Variants in TXNDC9 observed in about 807,000 individuals in gnomAD.
The protein encoded by TXNDC9 is thioredoxin domain containing 9, also known as thioredoxin domain-containing protein 9.
In TXNDC9, 7 loss-of-function variants were observed where a neutral mutation model predicts 23.0. The ratio of observed to expected loss-of-function variants is 0.30; its 90% CI spans 0.17 to 0.57. TXNDC9 has a LOEUF of 0.57. Among genes scored for constraint, TXNDC9 ranks in the 20% least tolerant of loss-of-function variants. TXNDC9 has a pLI of 0.90. For missense variants in TXNDC9, 198 were observed against 252.6 expected (o/e 0.78, Z 1.47); for synonymous variants, 72 against 90.6 (o/e 0.79, Z 1.17).
chr2:99,324,457 C>G (rs2094209137), intron 3 of TXNDC9, among the ~76,000 whole-genome samples: 1 of 152,018 alleles, frequency 6.6e-6, no homozygotes, highest in Admixed American at 6.6e-5. Context: ...TAAGAGAGAA[C>G]AAATTAATAA....
At chr2:99,314,958 T>G (rs578017528), downstream of TXNDC9, among the ~76,000 whole-genome samples, 1 of 143,174 alleles carries the variant, frequency 7.0e-6, no homozygotes, top group African/African-American at 2.6e-5. Flanking sequence ...TGCAGTGGCA[T>G]GATCTCGGCT....
intron 2 of TXNDC9, among the ~76,000 whole-genome samples, chr2:99,332,143 T>C (rs1336749802): frequency 6.6e-6 from 1 of 152,222 alleles, no homozygotes; most frequent in Non-Finnish European, 1.5e-5. Context: ...AAAAAATGTT[T>C]TAATCAAAAT....
intron 3 of TXNDC9, chr2:99,322,603 G>T: frequency 6.5e-7 from 1 of 1,539,686 alleles, no homozygotes; most frequent in South Asian, 1.2e-5. Context: ...TGGAAGTCAT[G>T]AAGAAAAACT....
rs369658933 is a variant in TXNDC9, at chr2:99,333,287, TAAGC to T, written c.-32-49_-32-46del. On this transcript the variant is annotated intron_variant, in intron 1 of 4. Transcript: ENST00000264255. ...AATACATTTTAAAAAATGCAAACAA[TAAGC>T]AAGGTTTTCTCTACCATTTTCAAAA... 791 of 1,477,486 alleles carry T rather than the reference TAAGC, an allele frequency of 5.4e-4. 6 individuals carry two copies. In the African/African-American group the frequency reaches 0.01, roughly 19 times the overall value. The allele number at this position is 1,477,486 out of a possible 1,614,324, so 91.5% of individuals were successfully genotyped here. A position where few individuals can be genotyped will look rare whatever the true frequency, so the allele number is the denominator to read the frequency against.
At chr2:99,322,784 T>C (rs2094205443) in intron 3 of TXNDC9, 3 of 1,275,724 alleles carry the variant, frequency 2.4e-6, no homozygotes, top group Non-Finnish European at 3.0e-6. Flanking sequence ...TTTTTGGAGG[T>C]GGCGTATTGC....
intron 4 of TXNDC9, chr2:99,321,266 GTAAGTGCACAAT>G (rs1264001111): frequency 6.6e-6 from 1 of 152,098 alleles, no homozygotes; most frequent in Admixed American, 6.5e-5. Flanking sequence ...CTCTGGAATG[GTAAGTGCACAAT>G]TTTACCTGTT....
At chr2:99,309,636 C>G in the TXNDC9 span, among the ~76,000 whole-genome samples, 13 of 152,210 alleles carry the variant, frequency 8.5e-5, no homozygotes, top group South Asian at 2.7e-3. Flanking sequence ...GAGTTCGAGA[C>G]CAGCCTGGCC....
chr2:99,325,612 G>A (rs535900636), intron 3 of TXNDC9, among the ~76,000 whole-genome samples: 8 of 152,272 alleles, frequency 5.3e-5, no homozygotes, highest in South Asian at 2.1e-4. Flanking sequence ...CCTACTATGC[G>A]TCAGGCAGTT....
intron 3 of TXNDC9, chr2:99,322,682 G>C (rs1457662692): frequency 6.6e-7 from 1 of 1,507,834 alleles, no homozygotes; most frequent in South Asian, 1.3e-5. Context: ...AGCACATTAA[G>C]GCTAAGGGTT....
the TXNDC9 span, among the ~76,000 whole-genome samples, chr2:99,310,405 A>G: frequency 1.1e-4 from 16 of 152,266 alleles, 1 homozygote; most frequent in Non-Finnish European, 2.1e-4. Context: ...CAGCCTCCCA[A>G]GTAGCTGGAT....
At chr2:99,316,117 CTT>C (rs57142545), downstream of TXNDC9, among the ~76,000 whole-genome samples, 26,697 of 136,052 alleles carry the variant, frequency 0.2, 2,251 homozygotes, top group East Asian at 0.28. Flanking sequence ...ATTTCTTTTT[CTT>C]TTTTTTTTTT....
intron 1 of TXNDC9, among the ~76,000 whole-genome samples, chr2:99,335,958 G>C (rs1243564388): frequency 1.3e-5 from 2 of 152,348 alleles, no homozygotes; most frequent in East Asian, 3.9e-4. Context: ...CACCCTTACA[G>C]GTATCCGCCA....
downstream of TXNDC9, among the ~76,000 whole-genome samples, chr2:99,318,720 T>C (rs1183860569): frequency 6.6e-6 from 1 of 152,216 alleles, no homozygotes; most frequent in Non-Finnish European, 1.5e-5. Context: ...AGGCCCAGTA[T>C]TCTCAGTCTG....
intron 3 of TXNDC9, among the ~76,000 whole-genome samples, chr2:99,324,236 T>C (rs540399231): frequency 5.3e-5 from 8 of 152,348 alleles, no homozygotes; most frequent in Admixed American, 6.5e-5. Context: ...CAAATAAAGC[T>C]TGAGAACTAC....
chr2:99,327,920 G>A (rs770048921), intron 2 of TXNDC9, among the ~76,000 whole-genome samples: 1 of 151,602 alleles, frequency 6.6e-6, no homozygotes, highest in Non-Finnish European at 1.5e-5. Context: ...GAGTAGCTGG[G>A]ACTACAGGCG....
At chr2:99,311,552 C>T in the TXNDC9 span, among the ~76,000 whole-genome samples, 1 of 152,218 alleles carries the variant, frequency 6.6e-6, no homozygotes, top group Admixed American at 6.5e-5. Context: ...CGGCTTTGAC[C>T]TCCCAAAGAC....
At chr2:99,333,689 T>TA (rs2094231378) in intron 1 of TXNDC9, among the ~76,000 whole-genome samples, 1 of 152,208 alleles carries the variant, frequency 6.6e-6, no homozygotes, top group Non-Finnish European at 1.5e-5. Context: ...AAACTTTACT[T>TA]AAACACAGAG....
rs955214140 is a variant in TXNDC9 at position 99,336,107 on chromosome 2, C to A, written c.-33+132G>T. 3.7e-6 allele frequency: 3 copies of A among 811,674 alleles called. No individual in the cohort carries two copies. In the African/African-American group the frequency reaches 5.6e-5, roughly 15 times the overall value. The allele number at this position is 811,674 out of a possible 1,614,324, so 50.3% of individuals were successfully genotyped here. A position where few individuals can be genotyped will look rare whatever the true frequency, so the allele number is the denominator to read the frequency against. ...TTCGACGCCTCCTGGTGCGCTTGCG[C>A]AAGAGCCTCTGCCAGGACACCGACA... On this transcript the variant is annotated intron_variant, in intron 1 of 4. Coordinates refer to ENST00000264255, the MANE Select transcript of TXNDC9 (RefSeq NM_005783.4).
Position 99,319,435 on chromosome 2 carries a change from G to T in TXNDC9, c.*247C>A. On this transcript the variant is annotated 3_prime_UTR_variant, in exon 5 of 5. Coordinates refer to ENST00000264255, the MANE Select transcript of TXNDC9 (RefSeq NM_005783.4). ...TATAAAGATGTAAGAATCATATTGT[G>T]ATAAAGTCAATCTCAAAAATAGAGA... 2.9e-6 allele frequency: 1 copy of T among 340,326 alleles called. No homozygotes were observed. The highest frequency in any genetic ancestry group is 5.2e-6 in the Non-Finnish European group (1 of 190,482). 21.1% of individuals were successfully genotyped at this position (340,326 alleles called of 1,614,324 possible).
Sources: gnomAD v4.1 joint callset for allele counts (sites outside exome capture counted in the v4.1 genomes callset) on GRCh38, gnomAD v4.1.1 for gene constraint, MANE v1.5 for transcripts, NCBI Gene and HGNC (gene_info 2026-07-23, HGNC 2026-07-21) for gene names.